The following TMEM135 variants were observed in gnomAD, a reference collection of about 807,000 sequenced individuals.
TMEM135 encodes peroxisomal membrane protein 52.
In TMEM135, 30 loss-of-function variants were observed where a neutral mutation model predicts 60.3. The ratio of observed to expected loss-of-function variants is 0.50; its 90% CI spans 0.37 to 0.68. The LOEUF (loss-of-function observed/expected upper bound fraction) is 0.68. Ranked by LOEUF, TMEM135 falls within the 30% of genes least tolerant of loss-of-function variation. The pLI is 0.00. For synonymous variants in TMEM135, 190 were observed against 186.7 expected, an observed-to-expected ratio of 1.02 and a Z score of -0.14; for missense variants, 468 against 548.8, an observed-to-expected ratio of 0.85 and a Z score of 1.47.
chr11:87,111,471 C>T (rs1001553354), intron 4 of TMEM135, among the ~76,000 whole-genome samples: 2 of 151,330 alleles, frequency 1.3e-5, no homozygotes, highest in East Asian at 2.0e-4. Context: ...CATGATGAAA[C>T]CCTGTCTCTA....
chr11:87,080,536 T>G, intron 3 of TMEM135, among the ~76,000 whole-genome samples: 1 of 152,330 alleles, frequency 6.6e-6, no homozygotes, highest in South Asian at 2.1e-4. Context: ...TTTAATGCTA[T>G]CAATTTCTGT....
intron 9 of TMEM135, among the ~76,000 whole-genome samples, chr11:87,308,282 G>GA (rs34035302): frequency 6.6e-6 from 1 of 152,052 alleles, no homozygotes; most frequent in Non-Finnish European, 1.5e-5. Context: ...AAAATAGCAT[G>GA]AAAAAGATTG....
At chr11:87,060,723 A>G (rs149516910) in intron 1 of TMEM135, among the ~76,000 whole-genome samples, 2,756 of 151,342 alleles carry the variant, frequency 0.018, 99 homozygotes, top group African/African-American at 0.064. Flanking sequence ...GCTCACTGCA[A>G]ACTCTGCCTT....
rs534953407 is a variant in TMEM135, at chr11:87,100,202, T to C, written c.396+8807T>C. On this transcript the variant is annotated intron_variant, in intron 4 of 14. Coordinates refer to ENST00000305494, the MANE Select transcript of TMEM135 (RefSeq NM_022918.4). Reference sequence around the variant, plus strand: ...ATAAATGCTCAGTAATTCAAAACTTTAATGAGATCAAAGACTTGATACATA... The same window carrying C: ...ATAAATGCTCAGTAATTCAAAACTTCAATGAGATCAAAGACTTGATACATA... 5.3e-5 allele frequency among the ~76,000 whole-genome samples: 8 copies of C among 152,340 alleles called. No individual in the cohort carries two copies. The South Asian group carries it at 1.2e-3, about 24-fold the overall frequency.
At chr11:87,113,021 G>A (rs1857793214) in intron 4 of TMEM135, among the ~76,000 whole-genome samples, 2 of 152,042 alleles carry the variant, frequency 1.3e-5, no homozygotes, top group African/African-American at 4.8e-5. Context: ...AATAAAGTGA[G>A]CTGTACAATG....
intron 5 of TMEM135, among the ~76,000 whole-genome samples, chr11:87,202,682 T>G (rs567867966): frequency 6.6e-6 from 1 of 151,712 alleles, no homozygotes; most frequent in East Asian, 1.9e-4. Context: ...ACGATTGACA[T>G]TTGTTGTCAA....
At chr11:87,192,392 AT>A (rs1419210792) in intron 5 of TMEM135, among the ~76,000 whole-genome samples, 1 of 151,956 alleles carries the variant, frequency 6.6e-6, no homozygotes, top group Non-Finnish European at 1.5e-5. Context: ...TATTCAGAAG[AT>A]TGTTTCTTTT....
At position 87,325,749 on chromosome 11, in the gene TMEM135, G is replaced by T. The variant is rs1942903069; in HGVS notation, c.*4416G>T. 2.2e-6 allele frequency: 1 copy of T among 453,886 alleles called. No homozygotes were observed. Among genetic ancestry groups the T allele is most frequent in the Non-Finnish European group, 4.4e-6 (1 of 226,746 alleles). 28.1% of individuals were successfully genotyped at this position (453,886 alleles called of 1,614,324 possible). ...TTTTCTTAGGCAGGATGATGTAGAA[G>T]ATAATTGCACAGATATGGAAGGAGA... On this transcript the variant is annotated 3_prime_UTR_variant, in exon 15 of 15. Coordinates refer to ENST00000305494, the MANE Select transcript of TMEM135 (RefSeq NM_022918.4).
In TMEM135 at chr11:87,277,328, A is replaced by G. The variant is rs569722455; in HGVS notation, c.510-18454A>G. Reference sequence around the variant, plus strand: ...TGTATTTTTGTAGAGATGAGGTTTCACCATGTTAGCCAGGCTGGTCTTGAA... The same window carrying G: ...TGTATTTTTGTAGAGATGAGGTTTCGCCATGTTAGCCAGGCTGGTCTTGAA... On this transcript the variant is annotated intron_variant, in intron 6 of 14. Transcript: ENST00000305494. 226 of 365,820 alleles carry G rather than the reference A, an allele frequency of 6.2e-4. 3 individuals carry two copies. The highest frequency in any genetic ancestry group is 4.4e-3 in the South Asian group (219 of 50,018). 22.7% of individuals were successfully genotyped at this position (365,820 alleles called of 1,614,324 possible).
At chr11:87,141,203 TC>T (rs1938252238) in intron 4 of TMEM135, among the ~76,000 whole-genome samples, 1 of 152,160 alleles carries the variant, frequency 6.6e-6, no homozygotes, top group Non-Finnish European at 1.5e-5. Context: ...TAATATTAAA[TC>T]TCTGTTTATG....
At chr11:87,223,876 C>T (rs901571696) in intron 5 of TMEM135, among the ~76,000 whole-genome samples, 3 of 143,792 alleles carry the variant, frequency 2.1e-5, no homozygotes, top group East Asian at 4.0e-4. Context: ...AAAGAAAAAA[C>T]CCCCAAAACA....
chr11:87,176,742 G>T (rs181866535), intron 5 of TMEM135, among the ~76,000 whole-genome samples: 1 of 152,254 alleles, frequency 6.6e-6, no homozygotes, highest in Admixed American at 6.5e-5. Context: ...TTAGCCTAAT[G>T]GCTGGGATTG....
intron 4 of TMEM135, among the ~76,000 whole-genome samples, chr11:87,145,702 T>C (rs1938395631): frequency 6.6e-6 from 1 of 152,024 alleles, no homozygotes; most frequent in South Asian, 2.1e-4. Flanking sequence ...TTTTTTCATG[T>C]ATCTGTTGAC....
At chr11:87,062,500 G>C (rs1949960168) in intron 1 of TMEM135, among the ~76,000 whole-genome samples, 1 of 130,734 alleles carries the variant, frequency 7.6e-6, no homozygotes, top group East Asian at 2.3e-4. Flanking sequence ...GTCTCACTCT[G>C]TCGCCCAGGT....
chr11:87,073,633 T>A (rs981837427), intron 3 of TMEM135, among the ~76,000 whole-genome samples: 5 of 152,136 alleles, frequency 3.3e-5, no homozygotes, highest in Non-Finnish European at 7.3e-5. Flanking sequence ...ACTTGAAAAA[T>A]GAAAATAATG....
At chr11:87,134,670 A>G (rs1050943415) in intron 4 of TMEM135, among the ~76,000 whole-genome samples, 15 of 152,062 alleles carry the variant, frequency 9.9e-5, no homozygotes, top group African/African-American at 3.6e-4. Flanking sequence ...ATTTTTGTAG[A>G]GGTGGGGTTC....
At chr11:87,068,537 G>A (rs1027924205) in intron 2 of TMEM135, among the ~76,000 whole-genome samples, 7 of 152,138 alleles carry the variant, frequency 4.6e-5, no homozygotes, top group South Asian at 2.1e-4. Context: ...CTGACCGGGC[G>A]CGGTGGCTCA....
intron 1 of TMEM135, among the ~76,000 whole-genome samples, chr11:87,066,128 A>G (rs1462975061): frequency 2.0e-5 from 3 of 152,214 alleles, no homozygotes; most frequent in Admixed American, 2.0e-4. Flanking sequence ...TCGGAAAAGT[A>G]TTATCTCTAG....
chr11:87,290,056 G>A (rs1942238881), intron 6 of TMEM135, among the ~76,000 whole-genome samples: 2 of 152,042 alleles, frequency 1.3e-5, no homozygotes, highest in South Asian at 2.1e-4. Context: ...CTCCCATTCT[G>A]TAGATTGCGA....
Sources: allele counts gnomAD v4.1 joint callset (sites outside exome capture counted in the v4.1 genomes callset), GRCh38; gene constraint gnomAD v4.1.1; transcripts MANE v1.5; gene names NCBI Gene and HGNC (gene_info 2026-07-23, HGNC 2026-07-21).